Variants in TMEM131L observed in about 807,000 individuals in gnomAD.
TMEM131L encodes transmembrane 131 like.
TMEM131L carries 54 observed loss-of-function variants against 192.2 expected under a neutral mutation model. The observed-to-expected ratio is 0.28, with a 90% CI of 0.23 to 0.35. The LOEUF (loss-of-function observed/expected upper bound fraction) is 0.35. Ranked by LOEUF, TMEM131L falls within the 10% of genes least tolerant of loss-of-function variation. The pLI is 1.00. For synonymous variants in TMEM131L, 701 were observed against 704.9 expected, an observed-to-expected ratio of 0.99 and a Z score of 0.09; for missense variants, 1,888 against 1,972.9, an observed-to-expected ratio of 0.96 and a Z score of 0.82.
chr4:153,474,530 G>C (rs34032085), intron 3 of TMEM131L, among the ~76,000 whole-genome samples: 1 of 152,210 alleles, frequency 6.6e-6, no homozygotes, highest in African/African-American at 2.4e-5. Context: ...TAGTCCTTTA[G>C]AAGTCGCAGT....
At chr4:153,559,325 A>T (rs1362936735) in intron 7 of TMEM131L, among the ~76,000 whole-genome samples, 1 of 152,196 alleles carries the variant, frequency 6.6e-6, no homozygotes, top group African/African-American at 2.4e-5. Flanking sequence ...CAGAATTTTA[A>T]GGAAGACTTC....
intron 3 of TMEM131L, among the ~76,000 whole-genome samples, chr4:153,537,058 C>T (rs968700044): frequency 6.6e-6 from 1 of 152,196 alleles, no homozygotes; most frequent in African/African-American, 2.4e-5. Flanking sequence ...AGCCCACTGA[C>T]TCAAATGTTA....
At chr4:153,615,010 T>C (rs966771307) in intron 26 of TMEM131L, among the ~76,000 whole-genome samples, 22 of 152,176 alleles carry the variant, frequency 1.4e-4, no homozygotes, top group African/African-American at 4.6e-4. Flanking sequence ...GATGAGCTCA[T>C]TTTTATGTCT....
intron 3 of TMEM131L, among the ~76,000 whole-genome samples, chr4:153,524,990 T>C (rs1451934683): frequency 6.6e-6 from 1 of 152,196 alleles, no homozygotes; most frequent in African/African-American, 2.4e-5. Context: ...GCAGGGGCTA[T>C]CTCTGTAAGT....
At chr4:153,518,785 A>G (rs775893602) in intron 3 of TMEM131L, among the ~76,000 whole-genome samples, 11 of 152,154 alleles carry the variant, frequency 7.2e-5, no homozygotes, top group Admixed American at 3.3e-4. Context: ...TCCTTCGGTG[A>G]TATCGAAACT....
At chr4:153,521,114 CTG>C (rs1735080098) in intron 3 of TMEM131L, among the ~76,000 whole-genome samples, 1 of 152,172 alleles carries the variant, frequency 6.6e-6, no homozygotes, top group South Asian at 2.1e-4. Flanking sequence ...CTTTCCGGCT[CTG>C]TGATCTGGGG....
chr4:153,592,288 C>G (rs1215010515), intron 17 of TMEM131L, among the ~76,000 whole-genome samples, 187 bp from the exon 18 acceptor site: 3 of 151,978 alleles, frequency 2.0e-5, no homozygotes, highest in Non-Finnish European at 4.4e-5. Context: ...TTAATCTTCC[C>G]CAGCTGTTCT....
At chr4:153,629,024 C>A (rs72952883) in intron 31 of TMEM131L, among the ~76,000 whole-genome samples, 3 of 152,134 alleles carry the variant, frequency 2.0e-5, no homozygotes, top group African/African-American at 7.2e-5. Flanking sequence ...TCCATTGTTA[C>A]AGTCATTTCC....
chr4:153,549,459 C>T (rs1737441762), intron 3 of TMEM131L, among the ~76,000 whole-genome samples: 1 of 152,024 alleles, frequency 6.6e-6, no homozygotes, highest in Admixed American at 6.6e-5. Flanking sequence ...TGTCATGTAT[C>T]TTTATTATGG....
chr4:153,483,780 C>T (rs886467781), intron 3 of TMEM131L, among the ~76,000 whole-genome samples: 2 of 152,190 alleles, frequency 1.3e-5, no homozygotes, highest in African/African-American at 2.4e-5. Flanking sequence ...GGTGTTTTGC[C>T]GTTGAGAACC....
intron 20 of TMEM131L, among the ~76,000 whole-genome samples, chr4:153,597,473 G>T (rs7656141): frequency 0.27 from 41,498 of 151,808 alleles, 6,030 homozygotes; most frequent in Non-Finnish European, 0.34. Flanking sequence ...TATTGCCCCA[G>T]CACTTAAAGG....
chr4:153,621,276 C>G (rs1412686943), intron 27 of TMEM131L, among the ~76,000 whole-genome samples: 2 of 152,140 alleles, frequency 1.3e-5, no homozygotes, highest in African/African-American at 4.8e-5. Flanking sequence ...CACTGACCCA[C>G]CTGCGCTATC....
intron 3 of TMEM131L, among the ~76,000 whole-genome samples, chr4:153,492,413 A>G (rs189721501): frequency 1.5e-3 from 233 of 152,366 alleles, no homozygotes; most frequent in African/African-American, 5.2e-3. Context: ...TTCCAAATTG[A>G]TGAGGCTTCA....
In TMEM131L at chr4:153,634,188, G is replaced by A; in HGVS notation, c.4329-4G>A. On this transcript the variant is annotated splice_polypyrimidine_tract_variant and splice_region_variant and intron_variant, in intron 32 of 34. Coordinates refer to ENST00000409959, the MANE Select transcript of TMEM131L (RefSeq NM_001131007.2). Reference sequence around the variant, plus strand: ...CTGATTAGACCACTTGTTTTTTGTGGCAGTTTCATTGATTGGAGTGCAACA... The same window carrying A: ...CTGATTAGACCACTTGTTTTTTGTGACAGTTTCATTGATTGGAGTGCAACA... 1.2e-6 allele frequency: 2 copies of A among 1,612,694 alleles called. No homozygotes were observed. Among genetic ancestry groups the A allele is most frequent in the Non-Finnish European group, 1.7e-6 (2 of 1,179,042 alleles).
At chr4:153,577,441 T>C (rs1317452051) in intron 7 of TMEM131L, among the ~76,000 whole-genome samples, 1 of 152,124 alleles carries the variant, frequency 6.6e-6, no homozygotes, top group Non-Finnish European at 1.5e-5. Flanking sequence ...TTGTGTAGTT[T>C]TGTGGTGTTA....
At position 153,580,845 on chromosome 4, in the gene TMEM131L, GC is replaced by G; in HGVS notation, c.682del (p.Leu228SerfsTer18). 6.2e-7 allele frequency: 1 copy of G among 1,612,004 alleles called. No individual in the cohort carries two copies. Among genetic ancestry groups the G allele is most frequent in the Non-Finnish European group, 8.5e-7 (1 of 1,178,208 alleles). On this transcript the variant is annotated frameshift_variant, in exon 8 of 35. Coordinates refer to ENST00000409959, the MANE Select transcript of TMEM131L (RefSeq NM_001131007.2). LOFTEE classifies it high-confidence loss of function. ...TTTTAGGCAGAAACCACTAATACTAGCCTCTTGCAGGTGCAACTGGAATGCA... is the reference window on the plus strand; with the variant it reads ...TTTTAGGCAGAAACCACTAATACTAGCTCTTGCAGGTGCAACTGGAATGCA... ...SQMQAETTNT[S>X]LLQVQLECSL... is the part of the protein sequence containing the mutation.
At chr4:153,498,219 G>T (rs371621094) in intron 3 of TMEM131L, among the ~76,000 whole-genome samples, 1 of 152,298 alleles carries the variant, frequency 6.6e-6, no homozygotes, top group South Asian at 2.1e-4. Flanking sequence ...GTTTGGGGGA[G>T]TCCTGAGCAT....
intron 3 of TMEM131L, among the ~76,000 whole-genome samples, chr4:153,493,280 A>G (rs1051190332): frequency 2.8e-5 from 4 of 143,844 alleles, no homozygotes; most frequent in African/African-American, 1.0e-4. Context: ...CAGGAGGCGG[A>G]GCTTGCAGTG....
intron 7 of TMEM131L, among the ~76,000 whole-genome samples, chr4:153,564,599 A>G (rs1480198797): frequency 2.6e-5 from 4 of 152,194 alleles, no homozygotes; most frequent in Admixed American, 6.5e-5. Flanking sequence ...ACCTTCATGC[A>G]GAGAGAATTC....
Sources: gnomAD v4.1 joint callset for allele counts (sites outside exome capture counted in the v4.1 genomes callset) on GRCh38, gnomAD v4.1.1 for gene constraint, MANE v1.5 for transcripts, NCBI Gene and HGNC (gene_info 2026-07-23, HGNC 2026-07-21) for gene names.